Variants in GRIK2 observed in about 807,000 individuals in gnomAD.
GRIK2 encodes the protein glutamate ionotropic receptor kainate type subunit 2, also known as glutamate receptor ionotropic, kainate 2.
Under a neutral mutation model 100.3 loss-of-function variants are expected in GRIK2, and 32 were observed. The ratio of observed to expected loss-of-function variants is 0.32; its 90% confidence interval spans 0.24 to 0.43. The LOEUF (loss-of-function observed/expected upper bound fraction) is 0.43, where lower values mean the gene tolerates loss of function less well. GRIK2 is among the 20% of genes least tolerant of loss of function. The pLI, the probability that GRIK2 is intolerant of heterozygous loss-of-function variation, is 1.00. For synonymous variants in GRIK2, 417 were observed against 389.4 expected (o/e 1.07, Z -0.83); for missense variants, 843 against 1,114.9 (o/e 0.76, Z 3.47).
At chr6:101,412,757 A>G (rs1775941592) in intron 2 of GRIK2, among the ~76,000 whole-genome samples, 2 of 151,948 alleles carry the variant, frequency 1.3e-5, no homozygotes, top group Admixed American at 1.3e-4. Context: ...TCTACATGAT[A>G]TAAATTTCAC....
Position 101,818,447 on chromosome 6 carries a change from C to G in GRIK2, c.1281C>G (p.Ser427=), listed in dbSNP as rs34747916. The change falls in exon 10 of 17, where the codon TCC becomes TCG. Residue 427 remains serine, a synonymous_variant. Transcript: ENST00000369134. ...QKGKPANITD[S]LSNRSLIVTT... ...GAAAGCCAGCGAACATCACAGATTC[C>G]TTATCCAATCGTTCTTTGATTGTTA... 0.051 allele frequency: 82,500 copies of G among 1,607,752 alleles called. 2,468 individuals are homozygous for G. The highest frequency in any genetic ancestry group is 0.06 in the Middle Eastern group (365 of 6,052).
chr6:101,472,672 C>A (rs1421375527), intron 2 of GRIK2, among the ~76,000 whole-genome samples: 1 of 151,682 alleles, frequency 6.6e-6, no homozygotes, highest in Non-Finnish European at 1.5e-5. Flanking sequence ...ATTTCAGGTT[C>A]TTTTTGAGTA....
At chr6:101,788,218 T>A (rs1002466238) in intron 7 of GRIK2, among the ~76,000 whole-genome samples, 1 of 152,112 alleles carries the variant, frequency 6.6e-6, no homozygotes, top group African/African-American at 2.4e-5. Context: ...TCTTTTTTTT[T>A]ATTATTATAC....
At chr6:101,937,589 A>G (rs548715697) in intron 14 of GRIK2, among the ~76,000 whole-genome samples, 1 of 152,276 alleles carries the variant, frequency 6.6e-6, no homozygotes, top group South Asian at 2.1e-4. Context: ...AGTGCTTTAT[A>G]TCTTACATAA....
rs1773396179 is a variant in GRIK2, at chr6:101,495,493, A to ATT, written c.115+96101_115+96102insTT. The stretch of plus-strand genomic sequence containing the variant: ...TGCACTCTAGCCTGGGAGATAGAGC[A>ATT]AGACTCCGTCTCAAAATAAGTAAAT... On this transcript the variant is annotated intron_variant, in intron 2 of 16. Transcript: ENST00000369134. Among the ~76,000 whole-genome samples the ATT allele has an allele frequency of 2.0e-5, 3 of 152,074 alleles. No individual in the cohort carries two copies. The South Asian group carries it at 6.2e-4, about 32-fold the overall frequency.
At chr6:101,850,964 A>G (rs1303372454) in intron 10 of GRIK2, among the ~76,000 whole-genome samples, 1 of 152,138 alleles carries the variant, frequency 6.6e-6, no homozygotes, top group African/African-American at 2.4e-5. Flanking sequence ...GAGAGCTTAA[A>G]GGAGAGTCAT....
At chr6:101,536,752 T>C (rs1391503247) in intron 2 of GRIK2, among the ~76,000 whole-genome samples, 2 of 151,858 alleles carry the variant, frequency 1.3e-5, no homozygotes, top group African/African-American at 2.4e-5. Flanking sequence ...ATTATTGATA[T>C]GGTTATCAAA....
chr6:101,545,292 A>G (rs989377733), intron 2 of GRIK2, among the ~76,000 whole-genome samples: 1 of 152,156 alleles, frequency 6.6e-6, no homozygotes, highest in East Asian at 1.9e-4. Flanking sequence ...GTAGTGCACC[A>G]TCTTGTTAAT....
chr6:101,476,943 T>C (rs1234304503), intron 2 of GRIK2, among the ~76,000 whole-genome samples: 1 of 152,158 alleles, frequency 6.6e-6, no homozygotes, highest in Non-Finnish European at 1.5e-5. Flanking sequence ...TATTAAAATA[T>C]TCGAGTCTTA....
At chr6:101,577,619 G>A (rs901474884) in intron 2 of GRIK2, among the ~76,000 whole-genome samples, 5 of 152,030 alleles carry the variant, frequency 3.3e-5, no homozygotes, top group African/African-American at 9.7e-5. Context: ...AGTACACATA[G>A]TGGATCTGTT....
chr6:101,637,889 C>T (rs1219548371), intron 4 of GRIK2, among the ~76,000 whole-genome samples: 1 of 152,078 alleles, frequency 6.6e-6, no homozygotes, highest in Non-Finnish European at 1.5e-5. Flanking sequence ...TCCTCTCTGC[C>T]TGATGTGTCT....
At chr6:101,723,064 A>G (rs1774600714) in intron 7 of GRIK2, among the ~76,000 whole-genome samples, 1 of 152,058 alleles carries the variant, frequency 6.6e-6, no homozygotes, top group Non-Finnish European at 1.5e-5. Flanking sequence ...TGAGACAGAA[A>G]GAATGAGTAG....
At chr6:101,985,730 A>G (rs1793982659) in intron 14 of GRIK2, among the ~76,000 whole-genome samples, 1 of 151,832 alleles carries the variant, frequency 6.6e-6, no homozygotes. Flanking sequence ...GGTTCTTAGA[A>G]TAGTTGCAGA....
chr6:101,586,892 CA>C (rs1199378638), intron 2 of GRIK2, among the ~76,000 whole-genome samples: 5,424 of 53,898 alleles, frequency 0.1, 56 homozygotes, highest in South Asian at 0.19. Flanking sequence ...TCTGTCTTAA[CA>C]AAAAAAAAAA....
At chr6:101,451,700 G>GT (rs1770699163) in intron 2 of GRIK2, among the ~76,000 whole-genome samples, 1 of 59,794 alleles carries the variant, frequency 1.7e-5, no homozygotes, top group African/African-American at 5.4e-5. Flanking sequence ...CTCTGAGGGG[G>GT]GGGGGGGTGC....
intron 14 of GRIK2, among the ~76,000 whole-genome samples, chr6:102,021,440 T>C (rs1364787903): frequency 6.8e-6 from 1 of 147,038 alleles, no homozygotes; most frequent in African/African-American, 2.5e-5. Flanking sequence ...ATAAATCATC[T>C]ACATTATGTT....
At chr6:102,065,771 A>T in intron 16 of GRIK2, 1 of 1,447,732 alleles carries the variant, frequency 6.9e-7, no homozygotes, top group South Asian at 1.2e-5. Flanking sequence ...TCATCTAATT[A>T]ATTCTTCTGT....
chr6:101,957,091 T>G (rs1241293992), intron 14 of GRIK2, among the ~76,000 whole-genome samples: 2 of 151,980 alleles, frequency 1.3e-5, no homozygotes, highest in African/African-American at 4.8e-5. Flanking sequence ...ACAGAAGTTA[T>G]GCTAATTTGC....
chr6:101,868,047 A>C (rs1490320836), intron 11 of GRIK2, among the ~76,000 whole-genome samples: 1 of 151,660 alleles, frequency 6.6e-6, no homozygotes, highest in Non-Finnish European at 1.5e-5. Context: ...AGAAAGTAAA[A>C]TACTAAATTG....
Sources: gnomAD v4.1 joint callset for allele counts (sites outside exome capture counted in the v4.1 genomes callset) on GRCh38, gnomAD v4.1.1 for gene constraint, MANE v1.5 for transcripts, NCBI Gene and HGNC (gene_info 2026-07-23, HGNC 2026-07-21) for gene names.